NEK1: variants seen among roughly 807,000 people sequenced by gnomAD.
NEK1 encodes the protein serine/threonine-protein kinase Nek1.
In NEK1, 137 loss-of-function variants were observed where a neutral mutation model predicts 182.1. The observed-to-expected ratio is 0.75, with a 90% CI of 0.65 to 0.87. The LOEUF is 0.87. Among genes scored for constraint, NEK1 ranks in the 40% least tolerant of loss-of-function variants. NEK1 has a pLI of 0.00. For missense variants in NEK1, 1,391 were observed against 1,494.4 expected, an observed-to-expected ratio of 0.93 and a Z score of 1.14; for synonymous variants, 513 against 492.2, an observed-to-expected ratio of 1.04 and a Z score of -0.56.
At chr4:169,442,339 A>T (rs1440738447) in intron 27 of NEK1, among the ~76,000 whole-genome samples, 1 of 152,188 alleles carries the variant, frequency 6.6e-6, no homozygotes, top group Non-Finnish European at 1.5e-5. Flanking sequence ...ACTGACACTG[A>T]TTACAGCCAA....
intron 11 of NEK1, among the ~76,000 whole-genome samples, chr4:169,577,815 T>G (rs1765961699): frequency 6.6e-6 from 1 of 151,948 alleles, no homozygotes; most frequent in Admixed American, 6.5e-5. Context: ...GAAACTACTT[T>G]CAAAATCAGA....
chr4:169,581,369 G>A (rs1766623737), intron 10 of NEK1, among the ~76,000 whole-genome samples: 1 of 152,000 alleles, frequency 6.6e-6, no homozygotes, highest in Non-Finnish European at 1.5e-5. Flanking sequence ...CTAGGCTCAA[G>A]CAATCCTCCC....
At chr4:169,499,116 T>C (rs1018142714) in intron 23 of NEK1, among the ~76,000 whole-genome samples, 5 of 152,194 alleles carry the variant, frequency 3.3e-5, no homozygotes, top group Admixed American at 3.3e-4. Flanking sequence ...TTTTATTCTT[T>C]TTTCTCTAAA....
chr4:169,492,232 T>A (rs1257755421), intron 23 of NEK1, among the ~76,000 whole-genome samples: 1 of 152,214 alleles, frequency 6.6e-6, no homozygotes, highest in Non-Finnish European at 1.5e-5. Flanking sequence ...GCTTCAAGAT[T>A]GTGACTACGG....
At chr4:169,502,291 A>G (rs1752549221) in intron 23 of NEK1, among the ~76,000 whole-genome samples, 1 of 151,460 alleles carries the variant, frequency 6.6e-6, no homozygotes, top group South Asian at 2.1e-4. Context: ...GACCAGATAG[A>G]TTCACAAGAT....
At chr4:169,477,702 C>G (rs1747227080) in intron 24 of NEK1, among the ~76,000 whole-genome samples, 1 of 151,768 alleles carries the variant, frequency 6.6e-6, no homozygotes, top group South Asian at 2.1e-4. Flanking sequence ...TAGACAGGGG[C>G]CAATTCTCAA....
At chr4:169,540,515 G>A (rs1269077216) in intron 18 of NEK1, among the ~76,000 whole-genome samples, 1 of 152,080 alleles carries the variant, frequency 6.6e-6, no homozygotes, top group East Asian at 1.9e-4. Flanking sequence ...GTACGCTTGT[G>A]CTGGGATCAT....
At chr4:169,547,683 T>C (rs1174270042) in intron 18 of NEK1, among the ~76,000 whole-genome samples, 1 of 152,212 alleles carries the variant, frequency 6.6e-6, no homozygotes, top group African/African-American at 2.4e-5. Context: ...TTTTCACTTT[T>C]TTCTCTAATC....
intron 31 of NEK1, among the ~76,000 whole-genome samples, chr4:169,418,474 A>T (rs1734907670): frequency 6.6e-6 from 1 of 152,218 alleles, no homozygotes; most frequent in African/African-American, 2.4e-5. Context: ...TACAGAGATG[A>T]TGGAACTCGC....
chr4:169,449,215 C>G, intron 27 of NEK1, among the ~76,000 whole-genome samples: 1 of 152,278 alleles, frequency 6.6e-6, no homozygotes, highest in Non-Finnish European at 1.5e-5. Flanking sequence ...TAGTCTCCAC[C>G]TCTGTGGGCA....
intron 19 of NEK1, among the ~76,000 whole-genome samples, chr4:169,532,227 T>G (rs1757788912): frequency 6.6e-6 from 1 of 152,274 alleles, no homozygotes; most frequent in South Asian, 2.1e-4. Flanking sequence ...CACTTAGAAT[T>G]TTATTGCATT....
At chr4:169,424,458 T>C (rs1736015418) in intron 31 of NEK1, 95 bp downstream of exon 31, 3 of 1,371,642 alleles carry the variant, frequency 2.2e-6, no homozygotes, top group African/African-American at 1.5e-5. Flanking sequence ...GTGTCTGTGT[T>C]AAGAGATTAA....
At chr4:169,414,718 C>T (rs574331883) in intron 31 of NEK1, among the ~76,000 whole-genome samples, 3 of 152,194 alleles carry the variant, frequency 2.0e-5, no homozygotes, top group Non-Finnish European at 4.4e-5. Context: ...TATATTAAAA[C>T]AAATACCTTT....
At chr4:169,451,531 T>C (rs1446736570) in intron 27 of NEK1, among the ~76,000 whole-genome samples, 7 of 152,190 alleles carry the variant, frequency 4.6e-5, no homozygotes, top group Non-Finnish European at 7.3e-5. Flanking sequence ...TGCTCCTGAA[T>C]GACTACTGGG....
chr4:169,409,606 T>A (rs1372795889), intron 31 of NEK1, among the ~76,000 whole-genome samples: 1 of 151,946 alleles, frequency 6.6e-6, no homozygotes, highest in Admixed American at 6.6e-5. Context: ...CTGTCTCTAT[T>A]AAAAACACAA....
intron 19 of NEK1, among the ~76,000 whole-genome samples, chr4:169,526,744 T>C (rs959595381): frequency 6.6e-6 from 1 of 152,206 alleles, no homozygotes; most frequent in African/African-American, 2.4e-5. Context: ...TTTGATATTT[T>C]AAAATATCAG....
intron 27 of NEK1, among the ~76,000 whole-genome samples, chr4:169,442,318 T>TC (rs1739620511): frequency 6.6e-6 from 1 of 152,006 alleles, no homozygotes; most frequent in Non-Finnish European, 1.5e-5. Context: ...ACACAGGAAT[T>TC]CACAGATACC....
Position 169,587,487 on chromosome 4 carries a change from T to C in NEK1, c.606+72A>G, listed in dbSNP as rs1195248358. 8.0e-6 allele frequency: 7 copies of C among 870,204 alleles called. No individual in the cohort carries two copies. In the East Asian group the frequency reaches 2.1e-4, roughly 26 times the overall value. The allele number at this position is 870,204 out of a possible 1,614,324, so 53.9% of individuals were successfully genotyped here. On this transcript the variant is annotated intron_variant, in intron 9 of 35. Coordinates refer to ENST00000507142, the MANE Select transcript of NEK1 (RefSeq NM_001199397.3). Reference sequence around the variant, plus strand: ...AGGGTTACCTGAAAGATAATATAACTTAAAATATAATAAAAACATTATAGT... The same window carrying C: ...AGGGTTACCTGAAAGATAATATAACCTAAAATATAATAAAAACATTATAGT...
intron 16 of NEK1, among the ~76,000 whole-genome samples, chr4:169,559,144 T>C (rs1762549902): frequency 6.6e-6 from 1 of 152,192 alleles, no homozygotes; most frequent in Admixed American, 6.5e-5. Flanking sequence ...ACTTGAAAAT[T>C]GTCTCAGTTA....
Sources: gnomAD v4.1 joint callset for allele counts (sites outside exome capture counted in the v4.1 genomes callset) on GRCh38, gnomAD v4.1.1 for gene constraint, MANE v1.5 for transcripts, NCBI Gene and HGNC (gene_info 2026-07-23, HGNC 2026-07-21) for gene names.